Variants in OSBPL2 observed in about 807,000 individuals in gnomAD.
OSBPL2 encodes the protein oxysterol-binding protein-related protein 2.
In OSBPL2, 18 loss-of-function variants were observed where a neutral mutation model predicts 58.4. The ratio of observed to expected loss-of-function variants is 0.31; its 90% confidence interval spans 0.21 to 0.46. OSBPL2 has a LOEUF of 0.46. OSBPL2 is among the 20% of genes least tolerant of loss of function. The pLI is 1.00. For missense variants in OSBPL2, 461 were observed against 616.5 expected, an observed-to-expected ratio of 0.75 and a Z score of 2.67; for synonymous variants, 221 against 234.1, an observed-to-expected ratio of 0.94 and a Z score of 0.51.
In OSBPL2 at chr20:62,239,394, G is replaced by A. The variant is rs866846778; in HGVS notation, c.-129+797G>A. ...AGACCAAGACTGTTAGGTCGTCACA[G>A]CACCTCAGCCTCCCCGCTTCATGGG... On this transcript the variant is annotated intron_variant, in intron 1 of 13. Transcript: ENST00000313733. Among the ~76,000 whole-genome samples the A allele has an allele frequency of 7.9e-5, 12 of 152,310 alleles. No homozygotes were observed. The South Asian group carries it at 2.5e-3, about 32-fold the overall frequency.
intron 13 of OSBPL2, among the ~76,000 whole-genome samples, chr20:62,292,526 G>C (rs1410838147): frequency 1.3e-5 from 2 of 152,250 alleles, no homozygotes. Context: ...GCTGGCTGTA[G>C]TTTGTTCTAT....
At chr20:62,260,480 C>G (rs1183036417) in intron 3 of OSBPL2, among the ~76,000 whole-genome samples, 1 of 152,192 alleles carries the variant, frequency 6.6e-6, no homozygotes, top group Admixed American at 6.5e-5. Flanking sequence ...CATCAGACCC[C>G]TTGCTGATTT....
intron 6 of OSBPL2, among the ~76,000 whole-genome samples, chr20:62,277,197 C>T (rs944736502): frequency 6.6e-6 from 1 of 152,128 alleles, no homozygotes; most frequent in South Asian, 2.1e-4. Flanking sequence ...TTGCAGTGAG[C>T]CGAGATCACG....
At chr20:62,239,600 G>A (rs1049539020) in intron 1 of OSBPL2, among the ~76,000 whole-genome samples, 1 of 152,222 alleles carries the variant, frequency 6.6e-6, no homozygotes, top group African/African-American at 2.4e-5. Flanking sequence ...CGGTTTGGTT[G>A]GATAGACGTT....
intron 3 of OSBPL2, among the ~76,000 whole-genome samples, chr20:62,261,682 G>A (rs1406781627): frequency 6.6e-6 from 1 of 152,120 alleles, no homozygotes; most frequent in Non-Finnish European, 1.5e-5. Flanking sequence ...CAACATGCCC[G>A]TCTACCCAAC....
chr20:62,261,099 T>C (rs1279707514), intron 3 of OSBPL2, among the ~76,000 whole-genome samples: 1 of 151,982 alleles, frequency 6.6e-6, no homozygotes, highest in African/African-American at 2.4e-5. Context: ...GGGCGGATCA[T>C]GAGGTCAGGA....
At chr20:62,245,030 C>T (rs1980006683) in intron 1 of OSBPL2, among the ~76,000 whole-genome samples, 1 of 152,168 alleles carries the variant, frequency 6.6e-6, no homozygotes, top group South Asian at 2.1e-4. Context: ...AGCACAGGGC[C>T]TTCCCGAGTC....
intron 6 of OSBPL2, among the ~76,000 whole-genome samples, chr20:62,274,080 A>G (rs1345487617): frequency 2.6e-5 from 4 of 152,138 alleles, no homozygotes; most frequent in African/African-American, 9.7e-5. Flanking sequence ...ACTGACTCCA[A>G]GTCCTAGAAC....
At chr20:62,262,283 C>T (rs1981369326) in intron 3 of OSBPL2, among the ~76,000 whole-genome samples, 1 of 152,204 alleles carries the variant, frequency 6.6e-6, no homozygotes, top group Non-Finnish European at 1.5e-5. Flanking sequence ...CAGGCCTGGC[C>T]CCGAGCCCTG....
At chr20:62,253,289 G>A (rs927151420) in intron 1 of OSBPL2, among the ~76,000 whole-genome samples, 6 of 152,220 alleles carry the variant, frequency 3.9e-5, no homozygotes, top group African/African-American at 1.4e-4. Context: ...AGGGAAGGCA[G>A]GATGCTATCT....
At chr20:62,261,186 C>G (rs973041335) in intron 3 of OSBPL2, among the ~76,000 whole-genome samples, 1 of 151,912 alleles carries the variant, frequency 6.6e-6, no homozygotes, top group Admixed American at 6.6e-5. Flanking sequence ...CGTGGCTGTG[C>G]GCATCTGTAG....
rs1983681855 is a variant in OSBPL2, at chr20:62,293,789, T to C, written c.1345T>C (p.Phe449Leu). ...KEEAEWQTRW[F>L]YPGNNPYTGT... ...CCCCTCCCTTGTATCCGGCAGGTGG[T>C]TCTACCCAGGCAATAACCCCTACAC... The change falls in exon 14 of 14, where the codon TTC becomes CTC. Residue 449 changes from phenylalanine (F) to leucine (L), a missense_variant. By Grantham distance (22) the Phe-to-Leu change is conservative. Around this residue, in one of 5 missense-constraint regions of OSBPL2, gnomAD observed 319 missense variants for 419.2 expected, o/e 0.76. Coordinates refer to ENST00000313733, the MANE Select transcript of OSBPL2 (RefSeq NM_144498.4). 3.7e-6 allele frequency: 6 copies of C among 1,613,714 alleles called. No homozygotes were observed. Among genetic ancestry groups the C allele is most frequent in the Non-Finnish European group, 5.1e-6 (6 of 1,179,876 alleles).
rs1442506924 is a variant in OSBPL2 at position 62,295,523 on chromosome 20, T to C, written c.*1636T>C. The C allele has an allele frequency of 6.6e-6, 1 of 152,122 alleles. No individual in the cohort carries two copies. Among genetic ancestry groups the C allele is most frequent in the African/African-American group, 2.4e-5 (1 of 41,418 alleles). 9.4% of individuals were successfully genotyped at this position (152,122 alleles called of 1,614,324 possible). On this transcript the variant is annotated 3_prime_UTR_variant, in exon 14 of 14. Coordinates refer to ENST00000313733, the MANE Select transcript of OSBPL2 (RefSeq NM_144498.4). The surrounding 1 kb of genome is among the most constrained non-coding windows in gnomAD (Gnocchi z 4.8). ...TTGTAGCTTTGGAAGCTGGAAGCGA[T>C]GGTGTTTGGTGCCGAGTCCTGTGTC...
At chr20:62,281,389 T>C (rs1982773616) in intron 8 of OSBPL2, 3 of 555,372 alleles carry the variant, frequency 5.4e-6, no homozygotes, top group Non-Finnish European at 9.7e-6. Context: ...GGTTGTTACT[T>C]TAAGGCTTTG....
Position 62,256,243 on chromosome 20 carries a change from T to C in OSBPL2, c.37+22T>C, listed in dbSNP as rs773018857. On this transcript the variant is annotated intron_variant, in intron 2 of 13. Coordinates refer to ENST00000313733, the MANE Select transcript of OSBPL2 (RefSeq NM_144498.4). ...ACAGGTGAGTCAAAAGAGAACCAACTGGGGACGTACTGGAAGGGTGAACGT... is the reference window on the plus strand; with the variant it reads ...ACAGGTGAGTCAAAAGAGAACCAACCGGGGACGTACTGGAAGGGTGAACGT... 1.9e-6 allele frequency: 3 copies of C among 1,610,446 alleles called. No individual in the cohort carries two copies. The African/African-American group carries it at 4.0e-5, about 22-fold the overall frequency.
intron 8 of OSBPL2, 37 bp downstream of exon 8, chr20:62,281,202 T>C: frequency 6.7e-7 from 1 of 1,486,032 alleles, no homozygotes; most frequent in Non-Finnish European, 9.4e-7. Context: ...AGCGCGAGGC[T>C]CCGGGTGGGG....
chr20:62,251,652 C>T (rs1980552723), intron 1 of OSBPL2, among the ~76,000 whole-genome samples: 1 of 151,926 alleles, frequency 6.6e-6, no homozygotes, highest in Admixed American at 6.6e-5. Context: ...AGGTGATCCG[C>T]CTGCCTCGGC....
In OSBPL2 at chr20:62,256,803, C is replaced by G. The variant is rs115128629; in HGVS notation, c.37+582C>G. ...CGGGGCGGCTAGAGGAAAGGGCAGG[C>G]GGGGCTGGCAGCTTGGCCTTCCAGA... is the stretch of plus-strand genomic sequence containing the variant. On this transcript the variant is annotated intron_variant, in intron 2 of 13. Coordinates refer to ENST00000313733, the MANE Select transcript of OSBPL2 (RefSeq NM_144498.4). Among the ~76,000 whole-genome samples, 620 of 152,308 alleles carry G rather than the reference C, an allele frequency of 4.1e-3. 2 individuals are homozygous for G. Among genetic ancestry groups the G allele is most frequent in the African/African-American group, 0.014 (583 of 41,566 alleles).
chr20:62,249,031 C>T (rs987690546), intron 1 of OSBPL2, among the ~76,000 whole-genome samples: 1 of 152,220 alleles, frequency 6.6e-6, no homozygotes, highest in South Asian at 2.1e-4. Context: ...TGGGTTTGTA[C>T]GACTTGAGTC....
Sources: gnomAD v4.1 joint callset for allele counts (sites outside exome capture counted in the v4.1 genomes callset) on GRCh38, gnomAD v4.1.1 for gene constraint, gnomAD v4.1.1 regional missense constraint, Gnocchi (gnomAD v3.1) non-coding constraint, MANE v1.5 for transcripts, NCBI Gene and HGNC (gene_info 2026-07-23, HGNC 2026-07-21) for gene names.